Variants in SASH1 observed in about 807,000 individuals in gnomAD.
The protein encoded by SASH1 is SAM and SH3 domain containing 1, also known as SAM and SH3 domain-containing protein 1.
In SASH1, 44 loss-of-function variants were observed where a neutral mutation model predicts 125.2. The observed-to-expected ratio is 0.35, with a 90% CI of 0.28 to 0.45. The LOEUF (loss-of-function observed/expected upper bound fraction) is 0.45. Ranked by LOEUF, SASH1 falls within the 20% of genes least tolerant of loss-of-function variation. The probability of loss-of-function intolerance (pLI) is 1.00; values close to 1 mark genes in which losing one functional copy is unlikely to be tolerated. For synonymous variants in SASH1, 639 were observed against 649.1 expected (o/e 0.98, Z 0.24); for missense variants, 1,426 against 1,614.5 (o/e 0.88, Z 2.00).
intron 1 of SASH1, among the ~76,000 whole-genome samples, chr6:148,284,886 C>T (rs1223166524): frequency 2.6e-5 from 4 of 152,114 alleles, no homozygotes; most frequent in Non-Finnish European, 4.4e-5. Flanking sequence ...ACTTCTTGGC[C>T]AAAGGGTATG....
chr6:148,467,088 CT>C (rs71004298), intron 4 of SASH1, among the ~76,000 whole-genome samples: 5,047 of 68,992 alleles, frequency 0.073, 28 homozygotes, highest in Non-Finnish European at 0.088. Context: ...TTCCCTGTTC[CT>C]TTTTTTTTTT....
intron 1 of SASH1, among the ~76,000 whole-genome samples, chr6:148,324,273 C>A (rs558719135): frequency 6.6e-6 from 1 of 152,190 alleles, no homozygotes; most frequent in South Asian, 2.1e-4. Context: ...ACATCTCTGG[C>A]CCAAACTGCT....
intron 1 of SASH1, among the ~76,000 whole-genome samples, chr6:148,389,625 T>G (rs568436204): frequency 6.6e-6 from 1 of 152,334 alleles, no homozygotes; most frequent in South Asian, 2.1e-4. Context: ...GTTCCTGAAT[T>G]CTCAGGCTCC....
At chr6:148,243,327 G>A in the SASH1 span, among the ~76,000 whole-genome samples, 11 of 152,112 alleles carry the variant, frequency 7.2e-5, no homozygotes, top group Admixed American at 6.5e-4. Flanking sequence ...GCTCATGCCT[G>A]TAATCCCAGC....
At chr6:148,297,788 C>G (rs1174051701) in intron 1 of SASH1, among the ~76,000 whole-genome samples, 2 of 151,512 alleles carry the variant, frequency 1.3e-5, no homozygotes, top group Non-Finnish European at 2.9e-5. Flanking sequence ...CGAGATCGTG[C>G]CACTGCCCTC....
At chr6:148,257,576 C>T in the SASH1 span, among the ~76,000 whole-genome samples, 1 of 151,332 alleles carries the variant, frequency 6.6e-6, no homozygotes, top group African/African-American at 2.4e-5. Context: ...AAGCATAAGT[C>T]TGCCAAACTG....
At chr6:148,526,564 A>G (rs1314998485) in intron 11 of SASH1, among the ~76,000 whole-genome samples, 2 of 152,244 alleles carry the variant, frequency 1.3e-5, no homozygotes, top group Non-Finnish European at 2.9e-5. Context: ...TCTTAAGCCA[A>G]TAGTTTTCTG....
chr6:148,459,440 ACT>A (rs1185801690), intron 4 of SASH1, among the ~76,000 whole-genome samples: 1 of 152,056 alleles, frequency 6.6e-6, no homozygotes, highest in East Asian at 1.9e-4. Context: ...CAGATGTGAA[ACT>A]CTTTAAGTTT....
chr6:148,434,322 G>A (rs1583153512), intron 2 of SASH1, among the ~76,000 whole-genome samples: 1 of 152,194 alleles, frequency 6.6e-6, no homozygotes, highest in East Asian at 1.9e-4. Context: ...TGATCTGCCT[G>A]CCTCAGCCTC....
intron 4 of SASH1, among the ~76,000 whole-genome samples, chr6:148,461,421 T>C (rs1330617628): frequency 1.3e-5 from 2 of 152,246 alleles, no homozygotes; most frequent in African/African-American, 2.4e-5. Flanking sequence ...GTCATTGATA[T>C]TGATTATTCC....
At chr6:148,357,929 A>G (rs574732621) in intron 1 of SASH1, among the ~76,000 whole-genome samples, 1 of 151,986 alleles carries the variant, frequency 6.6e-6, no homozygotes, top group East Asian at 1.9e-4. Flanking sequence ...GTGTGGTGGC[A>G]TGTGCCTGTA....
chr6:148,532,702 C>G lies in SASH1; in HGVS notation c.1565-95C>G, dbSNP rs1055748606. 2.2e-5 allele frequency: 32 copies of G among 1,433,740 alleles called. No homozygotes were observed. Among genetic ancestry groups the G allele is most frequent in the Non-Finnish European group, 2.9e-5 (30 of 1,041,722 alleles). The allele number at this position is 1,433,740 out of a possible 1,614,324, so 88.8% of individuals were successfully genotyped here. A position where few individuals can be genotyped will look rare whatever the true frequency, so the allele number is the denominator to read the frequency against. ...GGCTCAAGGCTTCCTTTCTCTGGGC[C>G]TTCATTTCCTAATCTGCCATACCTT... On this transcript the variant is annotated intron_variant, in intron 13 of 19. Coordinates refer to ENST00000367467, the MANE Select transcript of SASH1 (RefSeq NM_015278.5). This position sits in a 1 kb window ranked among gnomAD's most constrained non-coding sequence, Gnocchi z 4.7.
chr6:148,547,113 G>T (rs1434179341), intron 19 of SASH1, among the ~76,000 whole-genome samples: 1 of 152,058 alleles, frequency 6.6e-6, no homozygotes, highest in East Asian at 1.9e-4. Flanking sequence ...ATTAAGTCAA[G>T]AACTCTCACC....
chr6:148,225,138 C>G, the SASH1 span, among the ~76,000 whole-genome samples: 3 of 152,204 alleles, frequency 2.0e-5, no homozygotes, highest in African/African-American at 7.2e-5. Context: ...TTGTCTTAAG[C>G]ATTGGAGTGG....
chr6:148,483,444 A>T (rs1778714409), intron 7 of SASH1, among the ~76,000 whole-genome samples: 1 of 152,162 alleles, frequency 6.6e-6, no homozygotes, highest in South Asian at 2.1e-4. Flanking sequence ...GGGGAAAGAG[A>T]CATCCAAACT....
Position 148,403,163 on chromosome 6 carries a change from G to T in SASH1, c.285+12901G>T, listed in dbSNP as rs75207827. On this transcript the variant is annotated intron_variant, in intron 2 of 19. Coordinates refer to ENST00000367467, the MANE Select transcript of SASH1 (RefSeq NM_015278.5). ...AGAGTCTCCTCAGAGCCTTCTAGAA[G>T]AATCAGTTTGTGTTGACTTGATTTA... Among the ~76,000 whole-genome samples, 277 of 152,186 alleles carry T rather than the reference G, an allele frequency of 1.8e-3. 3 individuals carry two copies. Among genetic ancestry groups the T allele is most frequent in the African/African-American group, 6.3e-3 (262 of 41,538 alleles).
At chr6:148,491,273 TTTG>T (rs767198543) in intron 8 of SASH1, among the ~76,000 whole-genome samples, 2 of 152,128 alleles carry the variant, frequency 1.3e-5, no homozygotes, top group Non-Finnish European at 2.9e-5. Flanking sequence ...TTCATTCTTT[TTTG>T]TTGTTGTTGT....
chr6:148,390,008 C>T, intron 1 of SASH1, 126 bp from the exon 2 acceptor site: 1 of 1,080,912 alleles, frequency 9.3e-7, no homozygotes, highest in Non-Finnish European at 1.3e-6. Context: ...AACAACCTGG[C>T]ACTTGATGTT....
chr6:148,242,569 C>T, the SASH1 span, among the ~76,000 whole-genome samples: 1 of 152,222 alleles, frequency 6.6e-6, no homozygotes, highest in Non-Finnish European at 1.5e-5. Context: ...GCTTTTCACA[C>T]CTCAATGTTT....
Sources: gnomAD v4.1 joint callset for allele counts (sites outside exome capture counted in the v4.1 genomes callset) on GRCh38, gnomAD v4.1.1 for gene constraint, Gnocchi (gnomAD v3.1) non-coding constraint, MANE v1.5 for transcripts, NCBI Gene and HGNC (gene_info 2026-07-23, HGNC 2026-07-21) for gene names.